GPC5: variants seen among roughly 807,000 people sequenced by gnomAD.
GPC5 encodes glypican 5.
In GPC5, 47 loss-of-function variants were observed where a neutral mutation model predicts 53.9. That is an observed-to-expected ratio of 0.87 (90% confidence interval 0.69 to 1.11). The LOEUF is 1.11. Among genes scored for constraint, GPC5 ranks in the 50% most tolerant of loss-of-function variants. GPC5 has a pLI of 0.00. For synonymous variants in GPC5, 286 were observed against 263.3 expected (o/e 1.09, Z -0.84); for missense variants, 748 against 713.1 (o/e 1.05, Z -0.56).
intron 6 of GPC5, among the ~76,000 whole-genome samples, chr13:92,099,568 A>G (rs192362273): frequency 6.6e-6 from 1 of 152,158 alleles, no homozygotes; most frequent in African/African-American, 2.4e-5. Flanking sequence ...TGTTTTCTTG[A>G]TCCTCTTTAT....
At chr13:92,299,814 T>C (rs2043062984) in intron 7 of GPC5, among the ~76,000 whole-genome samples, 1 of 152,188 alleles carries the variant, frequency 6.6e-6, no homozygotes, top group Non-Finnish European at 1.5e-5. Flanking sequence ...AAAGTGGTTT[T>C]TTAAATCTAA....
At chr13:92,592,228 GAGA>G (rs1010717330) in intron 7 of GPC5, among the ~76,000 whole-genome samples, 19 of 152,196 alleles carry the variant, frequency 1.2e-4, no homozygotes, top group African/African-American at 4.3e-4. Flanking sequence ...AGAATGGGAA[GAGA>G]AGATGTTCTA....
Position 91,803,777 on chromosome 13 carries a change from G to C in GPC5, c.1280+47357G>C, listed in dbSNP as rs79082020. Among the ~76,000 whole-genome samples, 14 of 113,700 alleles carry C rather than the reference G, an allele frequency of 1.2e-4. No homozygotes were observed. The South Asian group carries it at 2.8e-3, about 22-fold the overall frequency. The allele number at this position is 113,700 out of a possible 152,430, so 74.6% of individuals were successfully genotyped here. ...CATATATAACAGAGACAGACAGACA[G>C]ACAGACACACACACACACACACACA... On this transcript the variant is annotated intron_variant, in intron 5 of 7. Coordinates refer to ENST00000377067, the MANE Select transcript of GPC5 (RefSeq NM_004466.6).
chr13:92,283,919 C>CA (rs1478236563), intron 7 of GPC5, among the ~76,000 whole-genome samples: 26 of 152,136 alleles, frequency 1.7e-4, no homozygotes, highest in Admixed American at 1.5e-3. Context: ...GATAGAGACA[C>CA]AAAAAACCCT....
chr13:92,584,759 C>A (rs902593990), intron 7 of GPC5, among the ~76,000 whole-genome samples: 2 of 152,046 alleles, frequency 1.3e-5, no homozygotes, highest in Admixed American at 1.3e-4. Flanking sequence ...CTGGGCCAGG[C>A]CTAGGGTCCC....
At chr13:92,521,710 G>A (rs1307396681) in intron 7 of GPC5, among the ~76,000 whole-genome samples, 1 of 152,144 alleles carries the variant, frequency 6.6e-6, no homozygotes, top group African/African-American at 2.4e-5. Context: ...TCAGGACATA[G>A]GCATGGGCAA....
intron 7 of GPC5, among the ~76,000 whole-genome samples, chr13:92,740,202 C>CCA (rs1472209962): frequency 4.6e-5 from 7 of 152,010 alleles, no homozygotes; most frequent in Non-Finnish European, 1.0e-4. Flanking sequence ...GCCCACCCTC[C>CCA]CACTTTCTTT....
At chr13:92,008,283 G>C (rs919624887) in intron 6 of GPC5, among the ~76,000 whole-genome samples, 18 of 151,742 alleles carry the variant, frequency 1.2e-4, no homozygotes, top group Non-Finnish European at 2.5e-4. Context: ...AGGATGGTCT[G>C]GATCTCCTGA....
chr13:92,674,067 T>G (rs1886847865), intron 7 of GPC5, among the ~76,000 whole-genome samples: 1 of 152,212 alleles, frequency 6.6e-6, no homozygotes, highest in South Asian at 2.1e-4. Context: ...TGGCAAATAT[T>G]GAAACTGGAT....
chr13:91,699,249 A>C (rs971187652), intron 3 of GPC5, among the ~76,000 whole-genome samples: 1 of 152,146 alleles, frequency 6.6e-6, no homozygotes, highest in African/African-American at 2.4e-5. Context: ...AGTTGACAAG[A>C]TATTGTTTCT....
chr13:92,356,168 GTTTA>G (rs915318094), intron 7 of GPC5, among the ~76,000 whole-genome samples: 10 of 152,020 alleles, frequency 6.6e-5, no homozygotes, highest in African/African-American at 2.2e-4. Flanking sequence ...TTATTTGTTT[GTTTA>G]TTTATTTCAC....
At chr13:91,525,740 A>G (rs921035462) in intron 2 of GPC5, among the ~76,000 whole-genome samples, 1 of 152,094 alleles carries the variant, frequency 6.6e-6, no homozygotes, top group Non-Finnish European at 1.5e-5. Context: ...CTCTGGATTC[A>G]TTTTTCACTT....
At chr13:92,799,316 T>C (rs2138785056) in intron 7 of GPC5, among the ~76,000 whole-genome samples, 1 of 151,888 alleles carries the variant, frequency 6.6e-6, no homozygotes, top group East Asian at 1.9e-4. Flanking sequence ...TATAAAATAT[T>C]TATATGTTAA....
At chr13:92,106,912 T>C (rs1039194056) in intron 6 of GPC5, among the ~76,000 whole-genome samples, 1 of 152,134 alleles carries the variant, frequency 6.6e-6, no homozygotes, top group East Asian at 1.9e-4. Context: ...TGACTCACCA[T>C]CACGGGTTCT....
At chr13:91,766,584 C>T (rs1191010378) in intron 5 of GPC5, among the ~76,000 whole-genome samples, 3 of 152,114 alleles carry the variant, frequency 2.0e-5, no homozygotes, top group Admixed American at 1.3e-4. Flanking sequence ...TGGGTAAGGC[C>T]GGGCGCGGTG....
intron 6 of GPC5, among the ~76,000 whole-genome samples, chr13:92,116,492 C>T (rs1223961472): frequency 6.6e-6 from 1 of 152,116 alleles, no homozygotes; most frequent in Non-Finnish European, 1.5e-5. Flanking sequence ...ACTAATATAC[C>T]GTGTTTGTTT....
At chr13:92,865,888 C>G (rs17188676) in intron 7 of GPC5, among the ~76,000 whole-genome samples, 28,335 of 151,800 alleles carry the variant, frequency 0.19, 3,465 homozygotes, top group Non-Finnish European at 0.28. Flanking sequence ...CAATTATATC[C>G]CCTCAACTGG....
chr13:92,768,422 T>C (rs1427365579), intron 7 of GPC5, among the ~76,000 whole-genome samples: 5 of 152,168 alleles, frequency 3.3e-5, no homozygotes, highest in Admixed American at 3.3e-4. Context: ...TTTCCATGCA[T>C]GTCATTTTTG....
At chr13:91,588,501 A>C (rs1164835550) in intron 2 of GPC5, among the ~76,000 whole-genome samples, 3 of 152,120 alleles carry the variant, frequency 2.0e-5, no homozygotes, top group Non-Finnish European at 4.4e-5. Flanking sequence ...AGAGGAGATA[A>C]TCCTAAACAA....
Sources: gnomAD v4.1 joint callset for allele counts (sites outside exome capture counted in the v4.1 genomes callset) on GRCh38, gnomAD v4.1.1 for gene constraint, MANE v1.5 for transcripts, NCBI Gene and HGNC (gene_info 2026-07-23, HGNC 2026-07-21) for gene names.